SYNE2: variants seen among roughly 807,000 people sequenced by gnomAD.
The protein encoded by SYNE2 is nesprin-2.
A neutral mutation model predicts 856.3 loss-of-function variants in SYNE2; 431 were observed. The ratio of observed to expected loss-of-function variants is 0.50; its 90% CI spans 0.47 to 0.55. The LOEUF (loss-of-function observed/expected upper bound fraction) is 0.55. SYNE2 is among the 20% of genes least tolerant of loss of function. SYNE2 has a pLI of 0.00. For synonymous variants in SYNE2, 2,923 were observed against 2,872.3 expected (o/e 1.02, Z -0.56); for missense variants, 8,129 against 8,023.2 (o/e 1.01, Z -0.50).
In SYNE2 at chr14:63,995,089, G is replaced by T. The variant is rs543556397; in HGVS notation, c.2827G>T (p.Asp943Tyr). 2.9e-5 allele frequency: 45 copies of T among 1,575,032 alleles called. No homozygotes were observed. In the African/African-American group the frequency reaches 5.7e-4, roughly 20 times the overall value. The change falls in exon 23 of 116, where the codon GAT (aspartate) becomes TAT (tyrosine). Residue 943 changes from aspartate to tyrosine, a missense_variant. Around this residue, in one of 3 missense-constraint regions of SYNE2, gnomAD observed 2,422 missense variants for 2,357.4 expected, o/e 1.03. Transcript: ENST00000555002. ...TTTATATGTTCAACAACTAAAAATAGATATTGAAAAAGGAAAGCTTAGTGA... is the reference window on the plus strand; with the variant it reads ...TTTATATGTTCAACAACTAAAAATATATATTGAAAAAGGAAAGCTTAGTGA... ...LSLYVQQLKI[D>Y]IEKGKLSDNI... is the part of the protein sequence containing the mutation.
intron 57 of SYNE2, chr14:64,084,975 G>A (rs1014440287): frequency 4.1e-5 from 29 of 702,194 alleles, no homozygotes; most frequent in Non-Finnish European, 7.0e-5. Flanking sequence ...AGACACGTGG[G>A]CTCCTCCAGG....
intron 70 of SYNE2, among the ~76,000 whole-genome samples, chr14:64,123,054 G>A (rs577165779): frequency 1.3e-5 from 2 of 151,244 alleles, no homozygotes; most frequent in South Asian, 2.1e-4. Context: ...AGCTGAGATC[G>A]CGCCATTGCA....
At chr14:64,016,027 A>G (rs1284202876) in intron 32 of SYNE2, among the ~76,000 whole-genome samples, 1 of 152,092 alleles carries the variant, frequency 6.6e-6, no homozygotes, top group Non-Finnish European at 1.5e-5. Context: ...TAGAAATGAT[A>G]AAGTTAGAAT....
chr14:63,939,180 G>A (rs1408267106), intron 2 of SYNE2, among the ~76,000 whole-genome samples: 1 of 152,018 alleles, frequency 6.6e-6, no homozygotes, highest in African/African-American at 2.4e-5. Flanking sequence ...TTGAGTGCAG[G>A]GCTAACCCTT....
chr14:64,205,613 T>C (rs2098601626), intron 100 of SYNE2, among the ~76,000 whole-genome samples: 1 of 152,198 alleles, frequency 6.6e-6, no homozygotes, highest in Admixed American at 6.5e-5. Context: ...GTAATATACC[T>C]GGTTGGGGAG....
At chr14:63,879,102 A>T (rs2094797235) in intron 1 of SYNE2, among the ~76,000 whole-genome samples, 1 of 152,152 alleles carries the variant, frequency 6.6e-6, no homozygotes, top group Non-Finnish European at 1.5e-5. Flanking sequence ...AGGAGCACAA[A>T]CTGCCTCATA....
intron 19 of SYNE2, among the ~76,000 whole-genome samples, chr14:63,988,227 G>A (rs8003945): frequency 0.034 from 5,131 of 152,230 alleles, 151 homozygotes; most frequent in Non-Finnish European, 0.054. Flanking sequence ...ACAGGCATGC[G>A]CCATCACGCC....
chr14:64,184,231 G>A lies in SYNE2; in HGVS notation c.17557-2193G>A, dbSNP rs572470309. ...CTTGCTGTGCAGCAGCACCATGGCA[G>A]GTTCTGGGCACTGAATCCGTGAGCA... On this transcript the variant is annotated intron_variant, in intron 96 of 115. Coordinates refer to ENST00000555002, the MANE Select transcript of SYNE2 (RefSeq NM_182914.3). Among the ~76,000 whole-genome samples, 4 of 152,234 alleles carry A rather than the reference G, an allele frequency of 2.6e-5. No individual in the cohort carries two copies. In the South Asian group the frequency reaches 6.2e-4, roughly 24 times the overall value.
At chr14:63,839,937 GA>G (rs1191614146) in intron 1 of SYNE2, among the ~76,000 whole-genome samples, 1 of 152,122 alleles carries the variant, frequency 6.6e-6, no homozygotes, top group Non-Finnish European at 1.5e-5. Flanking sequence ...TAAGCTTGCT[GA>G]AGAAAAGATA....
chr14:64,038,012 G>A (rs1458087344), intron 45 of SYNE2, among the ~76,000 whole-genome samples: 32 of 145,834 alleles, frequency 2.2e-4, no homozygotes, highest in African/African-American at 7.7e-4. Flanking sequence ...AGACGGGGTG[G>A]CTGCCAGGCG....
chr14:64,140,768 GA>G (rs952284695), intron 80 of SYNE2, among the ~76,000 whole-genome samples: 1 of 151,544 alleles, frequency 6.6e-6, no homozygotes, highest in Non-Finnish European at 1.5e-5. Context: ...GTGTTTTTTG[GA>G]AAAAAATTCA....
At chr14:63,895,632 G>A (rs993496420) in intron 1 of SYNE2, among the ~76,000 whole-genome samples, 1 of 149,552 alleles carries the variant, frequency 6.7e-6, no homozygotes, top group South Asian at 2.1e-4. Flanking sequence ...AGCTGGGCAG[G>A]TGGTGTGTGC....
At chr14:64,123,513 G>A (rs940124230) in intron 70 of SYNE2, among the ~76,000 whole-genome samples, 1 of 152,120 alleles carries the variant, frequency 6.6e-6, no homozygotes, top group Non-Finnish European at 1.5e-5. Flanking sequence ...CCTTAACCTT[G>A]GTTTCTCCAT....
chr14:63,786,285 G>A (rs1887526660), intron 1 of SYNE2, among the ~76,000 whole-genome samples: 1 of 151,822 alleles, frequency 6.6e-6, no homozygotes, highest in African/African-American at 2.4e-5. Flanking sequence ...GCATGAGCCT[G>A]TGGTCCCAGC....
At chr14:63,916,512 G>GT (rs2095535323) in intron 2 of SYNE2, among the ~76,000 whole-genome samples, 1 of 152,062 alleles carries the variant, frequency 6.6e-6, no homozygotes, top group South Asian at 2.1e-4. Flanking sequence ...AATATTTTAG[G>GT]TTTTCAATAA....
intron 65 of SYNE2, among the ~76,000 whole-genome samples, chr14:64,108,539 TA>T (rs1490511947): frequency 6.6e-6 from 1 of 152,194 alleles, no homozygotes; most frequent in Non-Finnish European, 1.5e-5. Context: ...TAGCTGGACC[TA>T]AAGCTCCAAG....
At chr14:63,948,992 G>A (rs1413053202) in intron 6 of SYNE2, among the ~76,000 whole-genome samples, 1 of 151,528 alleles carries the variant, frequency 6.6e-6, no homozygotes, top group Non-Finnish European at 1.5e-5. Flanking sequence ...CTGTACGCTC[G>A]TGAAAGGAAT....
At chr14:64,071,131 T>C (rs1026437188) in intron 52 of SYNE2, among the ~76,000 whole-genome samples, 6 of 152,214 alleles carry the variant, frequency 3.9e-5, no homozygotes, top group Admixed American at 6.5e-5. Context: ...TTTCCTTTTT[T>C]ATCATTTGTG....
chr14:63,845,170 C>G (rs889386688), intron 1 of SYNE2, among the ~76,000 whole-genome samples: 2 of 152,062 alleles, frequency 1.3e-5, no homozygotes, highest in Non-Finnish European at 2.9e-5. Context: ...AATCCCAGCA[C>G]TTTGGGAGGC....
Sources: allele counts gnomAD v4.1 joint callset (sites outside exome capture counted in the v4.1 genomes callset), GRCh38; gene constraint gnomAD v4.1.1; regional missense constraint gnomAD v4.1.1; transcripts MANE v1.5; gene names NCBI Gene and HGNC (gene_info 2026-07-23, HGNC 2026-07-21).